The following TSPAN9 variants were observed in gnomAD, a reference collection of about 807,000 sequenced individuals.
TSPAN9 encodes tetraspanin 9.
TSPAN9 carries 16 observed loss-of-function variants against 31.0 expected under a neutral mutation model. The observed-to-expected ratio is 0.52, with a 90% CI of 0.35 to 0.78. TSPAN9 has a LOEUF of 0.78. TSPAN9 is among the 30% of genes least tolerant of loss of function. The pLI, the probability that TSPAN9 is intolerant of heterozygous loss-of-function variation, is 0.01. For missense variants in TSPAN9, 272 were observed against 312.5 expected, an observed-to-expected ratio of 0.87 and a Z score of 0.98; for synonymous variants, 145 against 121.6, an observed-to-expected ratio of 1.19 and a Z score of -1.27.
chr12:3,114,000 A>G (rs2098320698), intron 2 of TSPAN9, among the ~76,000 whole-genome samples: 1 of 152,176 alleles, frequency 6.6e-6, no homozygotes, highest in African/African-American at 2.4e-5. Context: ...TGTGATCCTC[A>G]GACCCTGACT....
chr12:3,157,976 C>G (rs1308597732), intron 2 of TSPAN9, among the ~76,000 whole-genome samples: 1 of 152,178 alleles, frequency 6.6e-6, no homozygotes, highest in Non-Finnish European at 1.5e-5. Flanking sequence ...GTCTTTCTCC[C>G]CTTTTCCACC....
intron 2 of TSPAN9, chr12:3,200,151 T>C (rs1486536791): frequency 1.3e-5 from 2 of 152,354 alleles, no homozygotes; most frequent in Non-Finnish European, 2.9e-5. Context: ...ATTTAGCGAG[T>C]GCTCGCGGCG....
At chr12:3,114,287 C>T (rs1426659481) in intron 2 of TSPAN9, among the ~76,000 whole-genome samples, 1 of 152,136 alleles carries the variant, frequency 6.6e-6, no homozygotes, top group Non-Finnish European at 1.5e-5. Context: ...ATTTCCACAC[C>T]ATGAATATTC....
At chr12:3,137,206 C>T (rs937725212) in intron 2 of TSPAN9, among the ~76,000 whole-genome samples, 2 of 152,224 alleles carry the variant, frequency 1.3e-5, no homozygotes, top group African/African-American at 4.8e-5. Flanking sequence ...TGGGCTTCCG[C>T]CCCCATCCCA....
intron 2 of TSPAN9, among the ~76,000 whole-genome samples, chr12:3,095,959 C>T (rs1173277747): frequency 3.3e-5 from 5 of 150,180 alleles, no homozygotes; most frequent in Admixed American, 1.3e-4. Flanking sequence ...GCTGCAATCT[C>T]GGCACTTTGG....
chr12:3,133,773 A>C (rs1216168884), intron 2 of TSPAN9, among the ~76,000 whole-genome samples: 1 of 152,202 alleles, frequency 6.6e-6, no homozygotes, highest in Non-Finnish European at 1.5e-5. Context: ...GGAGGTTTCC[A>C]AAGAAACAGG....
intron 3 of TSPAN9, among the ~76,000 whole-genome samples, chr12:3,210,383 A>G (rs1400414296): frequency 6.6e-6 from 1 of 152,174 alleles, no homozygotes; most frequent in Non-Finnish European, 1.5e-5. Context: ...AAAATGCTAT[A>G]TTATAATGGT....
intron 2 of TSPAN9, among the ~76,000 whole-genome samples, chr12:3,155,606 A>T (rs1400063615): frequency 2.0e-5 from 3 of 148,690 alleles, no homozygotes; most frequent in Admixed American, 6.6e-5. Flanking sequence ...TAAAAAAAAA[A>T]AAATAAAGAG....
chr12:3,175,290 T>G (rs1293318848), intron 2 of TSPAN9, among the ~76,000 whole-genome samples: 2 of 152,114 alleles, frequency 1.3e-5, no homozygotes, highest in Non-Finnish European at 2.9e-5. Context: ...CTTGAGGACA[T>G]CAGGGTGTCT....
intron 7 of TSPAN9, 61 bp downstream of exon 7, chr12:3,281,390 G>A (rs1862891909): frequency 1.3e-6 from 2 of 1,506,594 alleles, no homozygotes; most frequent in South Asian, 1.3e-5. Flanking sequence ...CCGGCACGGG[G>A]AGCCCTATAG....
chr12:3,167,772 C>T (rs1462803280), intron 2 of TSPAN9, among the ~76,000 whole-genome samples: 1 of 152,172 alleles, frequency 6.6e-6, no homozygotes, highest in African/African-American at 2.4e-5. Flanking sequence ...TGGCTGCTGA[C>T]CTGGTGTGCA....
At chr12:3,120,292 G>A (rs548580057) in intron 2 of TSPAN9, among the ~76,000 whole-genome samples, 16 of 152,214 alleles carry the variant, frequency 1.1e-4, no homozygotes, top group South Asian at 4.1e-4. Flanking sequence ...CAACCTTGGC[G>A]TGCTCATTCA....
At chr12:3,262,008 G>C (rs931008499) in intron 3 of TSPAN9, among the ~76,000 whole-genome samples, 2 of 152,366 alleles carry the variant, frequency 1.3e-5, no homozygotes, top group South Asian at 4.1e-4. Context: ...TTGCAACAGA[G>C]GTCAGAGTTT....
At chr12:3,131,395 G>C (rs1052427263) in intron 2 of TSPAN9, among the ~76,000 whole-genome samples, 2 of 152,184 alleles carry the variant, frequency 1.3e-5, no homozygotes, top group African/African-American at 4.8e-5. Context: ...AGTTGCACAG[G>C]TGCTCCCATT....
intron 2 of TSPAN9, among the ~76,000 whole-genome samples, chr12:3,161,480 C>T (rs1180691376): frequency 3.3e-5 from 5 of 152,126 alleles, no homozygotes; most frequent in Non-Finnish European, 7.3e-5. Context: ...GTCCCAGCAC[C>T]ATTTGTTGAC....
At chr12:3,080,825 T>G (rs1366100575) in intron 1 of TSPAN9, among the ~76,000 whole-genome samples, 1 of 152,218 alleles carries the variant, frequency 6.6e-6, no homozygotes, top group Non-Finnish European at 1.5e-5. Flanking sequence ...TTAGTGTGCT[T>G]TATTAAGCTC....
intron 3 of TSPAN9, among the ~76,000 whole-genome samples, chr12:3,212,511 A>AG (rs2098379275): frequency 1.2e-5 from 1 of 85,932 alleles, no homozygotes; most frequent in Non-Finnish European, 2.7e-5. Flanking sequence ...TCCTGGCCTT[A>AG]AGCAATCCTG....
At chr12:3,248,069 A>G (rs117892619) in intron 3 of TSPAN9, among the ~76,000 whole-genome samples, 143 of 152,280 alleles carry the variant, frequency 9.4e-4, no homozygotes, top group Non-Finnish European at 1.6e-3. Flanking sequence ...TCTCCGGATT[A>G]GAGCAACAGC....
intron 1 of TSPAN9, among the ~76,000 whole-genome samples, chr12:3,083,236 A>G (rs1476264643): frequency 1.3e-5 from 2 of 152,340 alleles, no homozygotes; most frequent in South Asian, 4.1e-4. Context: ...CGATGCAAAC[A>G]CATCTCAGTG....
Sources: allele counts gnomAD v4.1 joint callset (sites outside exome capture counted in the v4.1 genomes callset), GRCh38; gene constraint gnomAD v4.1.1; transcripts MANE v1.5; gene names NCBI Gene and HGNC (gene_info 2026-07-23, HGNC 2026-07-21).